The following SUSD4 variants were observed in gnomAD, a reference collection of about 807,000 sequenced individuals.
SUSD4 encodes the protein sushi domain-containing protein 4.
A neutral mutation model predicts 50.5 loss-of-function variants in SUSD4; 41 were observed. That is an observed-to-expected ratio of 0.81 (90% CI 0.63 to 1.05). The LOEUF (loss-of-function observed/expected upper bound fraction) is 1.05, where lower values mean the gene tolerates loss of function less well. Ranked by LOEUF, SUSD4 falls within the 50% of genes least tolerant of loss-of-function variation. The probability of loss-of-function intolerance (pLI) is 0.00; values close to 1 mark genes in which losing one functional copy is unlikely to be tolerated. For missense variants in SUSD4, 580 were observed against 634.7 expected (o/e 0.91, Z 0.93); for synonymous variants, 257 against 257.3 (o/e 1.00, Z 0.01).
chr1:223,301,541 C>T (rs1312300122), intron 2 of SUSD4, among the ~76,000 whole-genome samples: 1 of 152,198 alleles, frequency 6.6e-6, no homozygotes, highest in Non-Finnish European at 1.5e-5. Flanking sequence ...GAAGTCCCTT[C>T]TTGACCCACT....
chr1:223,251,117 T>TA (rs1191095093), intron 5 of SUSD4, among the ~76,000 whole-genome samples: 6 of 152,160 alleles, frequency 3.9e-5, no homozygotes, highest in Admixed American at 2.6e-4. Context: ...CTTAATCCAA[T>TA]ATGACTGTTA....
intron 5 of SUSD4, among the ~76,000 whole-genome samples, chr1:223,237,668 A>G (rs1390651069): frequency 6.6e-6 from 1 of 152,030 alleles, no homozygotes; most frequent in African/African-American, 2.4e-5. Flanking sequence ...TTAAATGCTG[A>G]ACCAGCCTGG....
intron 5 of SUSD4, among the ~76,000 whole-genome samples, chr1:223,251,897 C>T (rs371801163): frequency 6.6e-6 from 1 of 152,082 alleles, no homozygotes; most frequent in Non-Finnish European, 1.5e-5. Context: ...TATTTCTCCA[C>T]ATCCTCTCCA....
chr1:223,343,663 G>A (rs1368915691), intron 2 of SUSD4, among the ~76,000 whole-genome samples: 1 of 152,144 alleles, frequency 6.6e-6, no homozygotes, highest in African/African-American at 2.4e-5. Context: ...CAGAGGGTTA[G>A]TGTGACATTT....
intron 2 of SUSD4, among the ~76,000 whole-genome samples, chr1:223,341,053 C>T (rs189631638): frequency 4.5e-4 from 69 of 152,342 alleles, no homozygotes; most frequent in Admixed American, 1.3e-3. Context: ...TTCCTCCTCT[C>T]GAAACAGATA....
intron 5 of SUSD4, among the ~76,000 whole-genome samples, chr1:223,253,161 G>C (rs999554901): frequency 4.0e-5 from 6 of 151,674 alleles, no homozygotes; most frequent in Non-Finnish European, 8.8e-5. Context: ...AAACTGGCCA[G>C]AATGTAAACA....
At chr1:223,230,614 T>C (rs1198403126) in intron 5 of SUSD4, 1 of 152,192 alleles carries the variant, frequency 6.6e-6, no homozygotes. Context: ...GGTGTCCCGA[T>C]GCGTGTGAAG....
rs1401079168 is a variant in SUSD4 at position 223,223,713 on chromosome 1, G to T, written c.1062-82C>A. 5.5e-6 allele frequency: 8 copies of T among 1,466,280 alleles called. No homozygotes were observed. In the East Asian group the frequency reaches 2.0e-4, roughly 36 times the overall value. 90.8% of individuals were successfully genotyped at this position (1,466,280 alleles called of 1,614,324 possible). A position where few individuals can be genotyped will look rare whatever the true frequency, so the allele number is the denominator to read the frequency against. On this transcript the variant is annotated intron_variant, in intron 7 of 8. Coordinates refer to ENST00000366878, the MANE Select transcript of SUSD4 (RefSeq NM_017982.4). Reference sequence around the variant, plus strand: ...CCACCCATACTCCCTCCTGCACTCGGGGTCCTCAGGACCCACGATGGGCAG... The same window carrying T: ...CCACCCATACTCCCTCCTGCACTCGTGGTCCTCAGGACCCACGATGGGCAG...
chr1:223,255,113 C>A (rs1661599167), intron 5 of SUSD4, among the ~76,000 whole-genome samples: 1 of 152,144 alleles, frequency 6.6e-6, no homozygotes, highest in African/African-American at 2.4e-5. Flanking sequence ...TGTGCCCAGG[C>A]CATAGAATTC....
intron 5 of SUSD4, among the ~76,000 whole-genome samples, chr1:223,257,606 T>C (rs1417795251): frequency 6.6e-6 from 1 of 152,218 alleles, no homozygotes; most frequent in Non-Finnish European, 1.5e-5. Context: ...AGCTCTGTAT[T>C]CTATGACCAG....
chr1:223,300,358 C>T (rs1217446632), intron 2 of SUSD4, among the ~76,000 whole-genome samples: 1 of 152,158 alleles, frequency 6.6e-6, no homozygotes, highest in Non-Finnish European at 1.5e-5. Flanking sequence ...ATTGAGAGTG[C>T]CCCTCTCTTC....
At chr1:223,323,523 G>A (rs191483094) in intron 2 of SUSD4, among the ~76,000 whole-genome samples, 41 of 152,202 alleles carry the variant, frequency 2.7e-4, no homozygotes, top group African/African-American at 9.6e-4. Context: ...GAAGATTGAG[G>A]GTGGAAGGGT....
At chr1:223,245,567 A>G (rs1660865602) in intron 5 of SUSD4, among the ~76,000 whole-genome samples, 2 of 152,190 alleles carry the variant, frequency 1.3e-5, no homozygotes, top group Admixed American at 1.3e-4. Context: ...GTGCAGCTGC[A>G]TGGAACCACG....
At chr1:223,361,003 T>C (rs1355701730) in intron 2 of SUSD4, among the ~76,000 whole-genome samples, 2 of 152,218 alleles carry the variant, frequency 1.3e-5, no homozygotes, top group East Asian at 3.9e-4. Context: ...GTGTGGTCCT[T>C]GGATCAGTGG....
At chr1:223,351,866 C>G (rs1332488604) in intron 2 of SUSD4, among the ~76,000 whole-genome samples, 1 of 151,962 alleles carries the variant, frequency 6.6e-6, no homozygotes, top group Non-Finnish European at 1.5e-5. Flanking sequence ...AAGCAATGGG[C>G]TGGTACAGTC....
chr1:223,257,949 T>A lies in SUSD4; in HGVS notation c.724+6681A>T, dbSNP rs1661816653. Among the ~76,000 whole-genome samples the A allele has an allele frequency of 2.0e-5, 3 of 152,306 alleles. No homozygotes were observed. In the South Asian group the frequency reaches 6.2e-4, roughly 32 times the overall value. Reference sequence around the variant, plus strand: ...GGAACGGTATGGACTCCTCTTTATGTCTGAAGTTTCCATTTGTAAAACGGG... The same window carrying A: ...GGAACGGTATGGACTCCTCTTTATGACTGAAGTTTCCATTTGTAAAACGGG... On this transcript the variant is annotated intron_variant, in intron 5 of 8. Coordinates refer to ENST00000366878, the MANE Select transcript of SUSD4 (RefSeq NM_017982.4).
intron 5 of SUSD4, among the ~76,000 whole-genome samples, chr1:223,236,858 TTTAGAA>T (rs1210636580): frequency 2.0e-5 from 3 of 152,132 alleles, no homozygotes; most frequent in Non-Finnish European, 4.4e-5. Context: ...CCATATAAAC[TTTAGAA>T]TTAGTTTAAT....
At chr1:223,253,945 T>C (rs1474271370) in intron 5 of SUSD4, among the ~76,000 whole-genome samples, 2 of 152,172 alleles carry the variant, frequency 1.3e-5, no homozygotes, top group Non-Finnish European at 2.9e-5. Flanking sequence ...CATTTAAGCA[T>C]CACAAAATAA....
At chr1:223,312,105 A>G (rs538691440) in intron 2 of SUSD4, among the ~76,000 whole-genome samples, 1 of 152,292 alleles carries the variant, frequency 6.6e-6, no homozygotes, top group South Asian at 2.1e-4. Context: ...TGGTTCTCAA[A>G]ATATTTTACA....
Sources: allele counts gnomAD v4.1 joint callset (sites outside exome capture counted in the v4.1 genomes callset), GRCh38; gene constraint gnomAD v4.1.1; transcripts MANE v1.5; gene names NCBI Gene and HGNC (gene_info 2026-07-23, HGNC 2026-07-21).